AKAP19: variants seen among roughly 807,000 people sequenced by gnomAD.
AKAP19 encodes the protein A-kinase anchoring protein 19, also known as small A-kinase anchoring protein.
the AKAP19 span, among the ~76,000 whole-genome samples, chr2:190,027,999 T>A: frequency 6.6e-6 from 1 of 152,176 alleles, no homozygotes; most frequent in Non-Finnish European, 1.5e-5. Context: ...AATTCTTAAC[T>A]GCCTTTTTTT....
the AKAP19 span, among the ~76,000 whole-genome samples, chr2:190,046,655 G>T: frequency 6.6e-6 from 1 of 152,168 alleles, no homozygotes; most frequent in African/African-American, 2.4e-5. Context: ...GACTTGAAAT[G>T]AGAGGATTAT....
At chr2:190,125,379 G>A in the AKAP19 span, among the ~76,000 whole-genome samples, 1 of 152,096 alleles carries the variant, frequency 6.6e-6, no homozygotes, top group African/African-American at 2.4e-5. Context: ...AGTGGAGAAC[G>A]CTGATACAGA....
chr2:190,136,767 ATAAAG>A, the AKAP19 span, among the ~76,000 whole-genome samples: 1 of 152,240 alleles, frequency 6.6e-6, no homozygotes, highest in East Asian at 1.9e-4. Context: ...GGCAAATAGA[ATAAAG>A]TAAATACAGA....
chr2:189,898,398 G>T, the AKAP19 span, among the ~76,000 whole-genome samples: 1 of 152,014 alleles, frequency 6.6e-6, no homozygotes, highest in African/African-American at 2.4e-5. Flanking sequence ...GAAAATAAAG[G>T]CTTCTATTTT....
chr2:190,006,107 C>T, the AKAP19 span, among the ~76,000 whole-genome samples: 22,282 of 152,198 alleles, frequency 0.15, 1,699 homozygotes, highest in Middle Eastern at 0.24. Flanking sequence ...AGAAGGCAGA[C>T]GAATAACACA....
At chr2:190,187,254 A>G in the AKAP19 span, among the ~76,000 whole-genome samples, 19,919 of 152,104 alleles carry the variant, frequency 0.13, 2,109 homozygotes, top group African/African-American at 0.29. Flanking sequence ...CAATAACTTG[A>G]GATATAAGGC....
At chr2:189,930,905 G>A in the AKAP19 span, 1 of 718,776 alleles carries the variant, frequency 1.4e-6, no homozygotes, top group South Asian at 1.5e-5. Context: ...TATGGCAGCG[G>A]CTCCTGATAC....
chr2:190,035,818 A>T, the AKAP19 span, among the ~76,000 whole-genome samples: 1 of 152,176 alleles, frequency 6.6e-6, no homozygotes, highest in Non-Finnish European at 1.5e-5. Flanking sequence ...TTACCAGGCG[A>T]TAGATAGTTA....
At chr2:190,108,558 G>A in the AKAP19 span, among the ~76,000 whole-genome samples, 1 of 152,168 alleles carries the variant, frequency 6.6e-6, no homozygotes, top group Non-Finnish European at 1.5e-5. Flanking sequence ...TGTAGAATAT[G>A]GCTATCTCCT....
chr2:189,963,199 CT>C, the AKAP19 span, among the ~76,000 whole-genome samples: 9 of 136,808 alleles, frequency 6.6e-5, no homozygotes, highest in Non-Finnish European at 9.2e-5. Context: ...CTTCACTTCT[CT>C]TTTTTTTTTT....
chr2:190,171,322 T>C, the AKAP19 span, among the ~76,000 whole-genome samples: 1 of 151,862 alleles, frequency 6.6e-6, no homozygotes, highest in Non-Finnish European at 1.5e-5. Flanking sequence ...CCAAAAGAGG[T>C]AGGAAAACTG....
At chr2:190,029,343 C>T in the AKAP19 span, among the ~76,000 whole-genome samples, 1 of 151,962 alleles carries the variant, frequency 6.6e-6, no homozygotes, top group Non-Finnish European at 1.5e-5. Context: ...TGAGGCACCG[C>T]GCCCAGCCAC....
the AKAP19 span, among the ~76,000 whole-genome samples, chr2:190,071,985 A>C: frequency 6.6e-6 from 1 of 152,204 alleles, no homozygotes; most frequent in Non-Finnish European, 1.5e-5. Context: ...ATAAATCTTA[A>C]AGCATGGAAC....
the AKAP19 span, among the ~76,000 whole-genome samples, chr2:190,099,568 G>A: frequency 6.6e-6 from 1 of 152,114 alleles, no homozygotes; most frequent in Non-Finnish European, 1.5e-5. Flanking sequence ...GAAATCAATT[G>A]CAAGAATCAC....
chr2:190,052,163 G>A, the AKAP19 span, among the ~76,000 whole-genome samples: 1 of 152,026 alleles, frequency 6.6e-6, no homozygotes, highest in Non-Finnish European at 1.5e-5. Flanking sequence ...ATGGCACCTG[G>A]CCTCATTCAG....
At chr2:190,196,629 A>G in the AKAP19 span, among the ~76,000 whole-genome samples, 7 of 151,420 alleles carry the variant, frequency 4.6e-5, no homozygotes, top group Admixed American at 1.3e-4. Context: ...CTTGTAAGGC[A>G]TCTGGCTTAT....
the AKAP19 span, among the ~76,000 whole-genome samples, chr2:190,148,482 C>T: frequency 6.6e-6 from 1 of 151,914 alleles, no homozygotes; most frequent in South Asian, 2.1e-4. Context: ...TTGGTTATGT[C>T]CTTTCCTGGT....
At chr2:189,970,203 T>A in the AKAP19 span, among the ~76,000 whole-genome samples, 1 of 152,130 alleles carries the variant, frequency 6.6e-6, no homozygotes, top group South Asian at 2.1e-4. Flanking sequence ...ATGTAGTATA[T>A]GTAGCATATG....
chr2:190,086,916 C>T, the AKAP19 span, among the ~76,000 whole-genome samples: 2 of 152,180 alleles, frequency 1.3e-5, no homozygotes, highest in Non-Finnish European at 2.9e-5. Context: ...CTCAAAGTGG[C>T]TGATGTGGCA....
Sources: allele counts gnomAD v4.1 joint callset (sites outside exome capture counted in the v4.1 genomes callset), GRCh38; gene constraint gnomAD v4.1.1; transcripts MANE v1.5; gene names NCBI Gene and HGNC (gene_info 2026-07-23, HGNC 2026-07-21).